Variants in SGMS1 observed in about 807,000 individuals in gnomAD.
SGMS1 encodes the protein phosphatidylcholine:ceramide cholinephosphotransferase 1.
In SGMS1, 13 loss-of-function variants were observed where a neutral mutation model predicts 46.2. The ratio of observed to expected loss-of-function variants is 0.28; its 90% CI spans 0.18 to 0.45. SGMS1 has a LOEUF of 0.45. Among genes scored for constraint, SGMS1 ranks in the 20% least tolerant of loss-of-function variants. The pLI, the probability that SGMS1 is intolerant of heterozygous loss-of-function variation, is 1.00. For synonymous variants in SGMS1, 203 were observed against 187.8 expected, an observed-to-expected ratio of 1.08 and a Z score of -0.66; for missense variants, 324 against 519.9, an observed-to-expected ratio of 0.62 and a Z score of 3.66.
At chr10:50,356,133 G>C (rs1032816252) in intron 6 of SGMS1, among the ~76,000 whole-genome samples, 1 of 152,244 alleles carries the variant, frequency 6.6e-6, no homozygotes, top group Non-Finnish European at 1.5e-5. Context: ...GAAATGTGGG[G>C]AAAAGAAAGA....
intron 2 of SGMS1, among the ~76,000 whole-genome samples, chr10:50,581,002 TTTCA>T (rs1838428483): frequency 6.6e-6 from 1 of 151,880 alleles, no homozygotes. Flanking sequence ...ACCCCCAGAG[TTTCA>T]ATTCAGTAGG....
At chr10:50,603,288 T>A (rs1374141074) in intron 1 of SGMS1, among the ~76,000 whole-genome samples, 1 of 152,254 alleles carries the variant, frequency 6.6e-6, no homozygotes, top group Non-Finnish European at 1.5e-5. Context: ...TTGGTTCCAT[T>A]GCTGGTGAGA....
At chr10:50,585,105 A>C (rs1443550097) in intron 2 of SGMS1, among the ~76,000 whole-genome samples, 2 of 152,270 alleles carry the variant, frequency 1.3e-5, no homozygotes, top group South Asian at 2.1e-4. Flanking sequence ...TATTAAGAAG[A>C]AACAAACTTT....
rs12217916 is a variant in SGMS1, at chr10:50,377,303, C to T, written c.-231-32958G>A. On this transcript the variant is annotated intron_variant, in intron 6 of 10. Transcript: ENST00000361781. ...CGGATCCACTTTCATGATAACTAAC[C>T]CACTCCCATGATAACCCATTCACCC... Among the ~76,000 whole-genome samples, 366 of 152,148 alleles carry T rather than the reference C, an allele frequency of 2.4e-3. 15 individuals carry two copies. The East Asian group carries it at 0.066, about 28-fold the overall frequency.
intron 1 of SGMS1, among the ~76,000 whole-genome samples, chr10:50,613,281 A>G (rs1838767047): frequency 1.3e-5 from 2 of 152,184 alleles, no homozygotes; most frequent in African/African-American, 4.8e-5. Context: ...CCCCTGACCC[A>G]GGGAGGCTAG....
intron 6 of SGMS1, among the ~76,000 whole-genome samples, chr10:50,420,010 G>A (rs888110981): frequency 9.2e-5 from 14 of 152,198 alleles, no homozygotes; most frequent in African/African-American, 3.1e-4. Context: ...GTAAGTGACA[G>A]GGTGAACTGA....
At chr10:50,473,602 C>T (rs1160130187) in intron 3 of SGMS1, among the ~76,000 whole-genome samples, 1 of 152,146 alleles carries the variant, frequency 6.6e-6, no homozygotes, top group Non-Finnish European at 1.5e-5. Context: ...CGAGTTTACT[C>T]CAATATAGAA....
Position 50,307,462 on chromosome 10 carries a change from C to A in SGMS1, c.1063-141G>T. 3 of 654,828 alleles carry A rather than the reference C, an allele frequency of 4.6e-6. No homozygotes were observed. The highest frequency in any genetic ancestry group is 4.2e-5 in the South Asian group (2 of 47,296). The allele number at this position is 654,828 out of a possible 1,614,324, so 40.6% of individuals were successfully genotyped here. A position where few individuals can be genotyped will look rare whatever the true frequency, so the allele number is the denominator to read the frequency against. Reference sequence around the variant, plus strand: ...TATCCCAGCTTCTCTCTCTCATCACCATTCTACACTCCACATTCATCTACA... The same window carrying A: ...TATCCCAGCTTCTCTCTCTCATCACAATTCTACACTCCACATTCATCTACA... On this transcript the variant is annotated intron_variant, in intron 10 of 10. Transcript: ENST00000361781. The surrounding 1 kb of genome is among the most constrained non-coding windows in gnomAD (Gnocchi z 4.2).
chr10:50,320,919 G>T (rs1361523503), intron 8 of SGMS1, among the ~76,000 whole-genome samples: 4 of 152,210 alleles, frequency 2.6e-5, no homozygotes, highest in Non-Finnish European at 5.9e-5. Flanking sequence ...GTCAGAGGGG[G>T]ATCTGGGGAT....
At chr10:50,331,322 A>G (rs551313970) in intron 7 of SGMS1, among the ~76,000 whole-genome samples, 2 of 152,328 alleles carry the variant, frequency 1.3e-5, no homozygotes, top group South Asian at 2.1e-4. Flanking sequence ...AGAGAGTTTA[A>G]GCTGAAATAT....
intron 6 of SGMS1, among the ~76,000 whole-genome samples, chr10:50,369,842 G>A (rs995733885): frequency 6.6e-5 from 10 of 152,184 alleles, no homozygotes; most frequent in Admixed American, 6.5e-4. Context: ...TTGTCATGGT[G>A]TGAACATCAC....
At chr10:50,523,789 G>T (rs951755604) in intron 2 of SGMS1, among the ~76,000 whole-genome samples, 5 of 152,200 alleles carry the variant, frequency 3.3e-5, no homozygotes, top group African/African-American at 9.7e-5. Flanking sequence ...TAGCAAAGAA[G>T]AATAATATTT....
chr10:50,340,765 AT>A (rs1847804657), intron 7 of SGMS1: 2 of 152,250 alleles, frequency 1.3e-5, no homozygotes, highest in Non-Finnish European at 2.9e-5. Flanking sequence ...CACCTCAAAC[AT>A]TTGGTTAAAG....
chr10:50,515,855 A>G (rs1227371777), intron 3 of SGMS1, among the ~76,000 whole-genome samples: 1 of 152,160 alleles, frequency 6.6e-6, no homozygotes, highest in Non-Finnish European at 1.5e-5. Context: ...AAGCTACACA[A>G]TTTTCTGATA....
intron 6 of SGMS1, among the ~76,000 whole-genome samples, chr10:50,420,845 G>T (rs1180704991): frequency 1.3e-5 from 2 of 152,188 alleles, no homozygotes; most frequent in African/African-American, 4.8e-5. Context: ...AAAGGGAAAG[G>T]CAGCACAGAC....
At chr10:50,553,727 G>T (rs1224901370) in intron 2 of SGMS1, among the ~76,000 whole-genome samples, 1 of 152,108 alleles carries the variant, frequency 6.6e-6, no homozygotes, top group Non-Finnish European at 1.5e-5. Flanking sequence ...TGCTTCATGT[G>T]ATGTGCTAAA....
chr10:50,326,163 T>A (rs143792926), intron 8 of SGMS1, among the ~76,000 whole-genome samples: 133 of 149,030 alleles, frequency 8.9e-4, no homozygotes, highest in East Asian at 5.6e-3. Context: ...TAAAAAAAAT[T>A]AAAAAAATTA....
At chr10:50,563,700 G>A (rs867030021) in intron 2 of SGMS1, among the ~76,000 whole-genome samples, 3 of 123,472 alleles carry the variant, frequency 2.4e-5, no homozygotes, top group Non-Finnish European at 4.8e-5. Context: ...CCGAGATCCC[G>A]CCACTGCACT....
intron 1 of SGMS1, among the ~76,000 whole-genome samples, chr10:50,610,516 G>A (rs919315783): frequency 6.6e-6 from 1 of 152,154 alleles, no homozygotes; most frequent in Admixed American, 6.5e-5. Flanking sequence ...ACTCCTGAGA[G>A]CGTTCTCACA....
Sources: allele counts gnomAD v4.1 joint callset (sites outside exome capture counted in the v4.1 genomes callset), GRCh38; gene constraint gnomAD v4.1.1; non-coding constraint Gnocchi (gnomAD v3.1); transcripts MANE v1.5; gene names NCBI Gene and HGNC (gene_info 2026-07-23, HGNC 2026-07-21).